ASIC2: variants seen among roughly 807,000 people sequenced by gnomAD.
ASIC2 encodes the protein acid-sensing ion channel 2.
In ASIC2, 25 loss-of-function variants were observed where a neutral mutation model predicts 57.3. The observed-to-expected ratio is 0.44, with a 90% CI of 0.32 to 0.61. ASIC2 has a LOEUF of 0.61. Among genes scored for constraint, ASIC2 ranks in the 20% least tolerant of loss-of-function variants. The pLI is 0.06. For synonymous variants in ASIC2, 319 were observed against 307.5 expected (o/e 1.04, Z -0.39); for missense variants, 641 against 738.1 (o/e 0.87, Z 1.52).
At chr17:33,067,410 G>A (rs2092048078) in intron 3 of ASIC2, among the ~76,000 whole-genome samples, 1 of 152,184 alleles carries the variant, frequency 6.6e-6, no homozygotes, top group African/African-American at 2.4e-5. Flanking sequence ...GGAAGAAAGT[G>A]TTGGATTTGT....
intron 1 of ASIC2, among the ~76,000 whole-genome samples, chr17:33,985,933 C>T (rs974086728): frequency 6.6e-6 from 1 of 152,212 alleles, no homozygotes; most frequent in African/African-American, 2.4e-5. Flanking sequence ...CTGCCTGAAA[C>T]ATTCTCTGAC....
intron 1 of ASIC2, among the ~76,000 whole-genome samples, chr17:33,823,156 C>T (rs1912800583): frequency 6.6e-6 from 1 of 152,146 alleles, no homozygotes; most frequent in Non-Finnish European, 1.5e-5. Context: ...GGGCTTTATG[C>T]AGTCTTGCTT....
chr17:33,064,169 C>T (rs1291830458), intron 3 of ASIC2, among the ~76,000 whole-genome samples: 1 of 152,238 alleles, frequency 6.6e-6, no homozygotes, highest in African/African-American at 2.4e-5. Flanking sequence ...TCGTCAAAGT[C>T]ATTCTCCATC....
intron 2 of ASIC2, among the ~76,000 whole-genome samples, chr17:33,102,970 A>G (rs2092218401): frequency 6.6e-6 from 1 of 152,224 alleles, no homozygotes; most frequent in Non-Finnish European, 1.5e-5. Context: ...TTTTCAGTAG[A>G]GACAGGGTTT....
intron 1 of ASIC2, among the ~76,000 whole-genome samples, chr17:33,396,946 C>A (rs1910098445): frequency 6.6e-6 from 1 of 152,160 alleles, no homozygotes; most frequent in South Asian, 2.1e-4. Flanking sequence ...TAGCTAGGCA[C>A]AAGTGAGTTT....
intron 1 of ASIC2, among the ~76,000 whole-genome samples, chr17:34,055,631 C>T (rs1240268272): frequency 4.6e-5 from 7 of 152,138 alleles, no homozygotes; most frequent in Non-Finnish European, 1.0e-4. Flanking sequence ...AGCTCATATT[C>T]ATGAAATCAC....
intron 1 of ASIC2, among the ~76,000 whole-genome samples, chr17:33,564,800 C>T (rs1916182334): frequency 6.7e-6 from 1 of 148,862 alleles, no homozygotes; most frequent in African/African-American, 2.5e-5. Flanking sequence ...GCAAGGAACA[C>T]CTGGCCTGCC....
At chr17:34,035,001 G>A (rs1048317255) in intron 1 of ASIC2, among the ~76,000 whole-genome samples, 2 of 151,610 alleles carry the variant, frequency 1.3e-5, no homozygotes, top group African/African-American at 2.4e-5. Flanking sequence ...TCACAGAATT[G>A]GAAAAAACTA....
intron 1 of ASIC2, among the ~76,000 whole-genome samples, chr17:33,445,588 G>A (rs117474054): frequency 0.071 from 10,709 of 150,744 alleles, 472 homozygotes; most frequent in Middle Eastern, 0.1. Flanking sequence ...CCCTGAGATC[G>A]GAAGTTCAAG....
At chr17:33,143,741 A>AT (rs1360538374) in intron 1 of ASIC2, among the ~76,000 whole-genome samples, 2 of 151,856 alleles carry the variant, frequency 1.3e-5, no homozygotes, top group East Asian at 3.9e-4. Flanking sequence ...AATTTTTCCA[A>AT]AAAAACCCCC....
At chr17:33,144,170 G>A (rs975642425) in intron 1 of ASIC2, among the ~76,000 whole-genome samples, 4 of 150,926 alleles carry the variant, frequency 2.7e-5, no homozygotes, top group African/African-American at 9.8e-5. Flanking sequence ...AAAAAAAAAC[G>A]AAAAACAAAA....
At chr17:33,285,955 A>G (rs1450156770) in intron 1 of ASIC2, among the ~76,000 whole-genome samples, 1 of 152,162 alleles carries the variant, frequency 6.6e-6, no homozygotes, top group African/African-American at 2.4e-5. Flanking sequence ...AATAGCTCAC[A>G]TTTCCTGAGT....
At chr17:33,882,039 G>A (rs966966651) in intron 1 of ASIC2, among the ~76,000 whole-genome samples, 1 of 152,150 alleles carries the variant, frequency 6.6e-6, no homozygotes, top group African/African-American at 2.4e-5. Flanking sequence ...AATGGTGCTG[G>A]GAAAACTGGC....
chr17:33,037,389 CTTTTTTTTT>C (rs35286664), intron 3 of ASIC2, among the ~76,000 whole-genome samples: 11 of 123,816 alleles, frequency 8.9e-5, no homozygotes, highest in Admixed American at 3.4e-4. Context: ...ACTTCCCCCT[CTTTTTTTTT>C]TTTTTTTTTT....
chr17:33,809,220 G>T (rs1597884801), intron 1 of ASIC2, among the ~76,000 whole-genome samples: 3 of 152,216 alleles, frequency 2.0e-5, no homozygotes, highest in Non-Finnish European at 4.4e-5. Flanking sequence ...TCTAGGCCCA[G>T]TGTTGACTAT....
intron 1 of ASIC2, among the ~76,000 whole-genome samples, chr17:33,212,472 C>G (rs374721799): frequency 2.6e-5 from 4 of 152,184 alleles, no homozygotes; most frequent in African/African-American, 9.7e-5. Context: ...CCTGCTCACA[C>G]CTTGATTTGA....
intron 1 of ASIC2, among the ~76,000 whole-genome samples, chr17:33,617,383 C>T (rs979875107): frequency 1.1e-4 from 16 of 152,152 alleles, no homozygotes; most frequent in African/African-American, 2.2e-4. Context: ...TTATCCTAAG[C>T]GAACTAACAC....
At chr17:33,596,832 C>T (rs918414688) in intron 1 of ASIC2, among the ~76,000 whole-genome samples, 5 of 152,170 alleles carry the variant, frequency 3.3e-5, no homozygotes, top group African/African-American at 9.7e-5. Context: ...TTGAATTGTA[C>T]AAGAGTCCTG....
At chr17:33,459,729 G>C (rs1381857161) in intron 1 of ASIC2, among the ~76,000 whole-genome samples, 1 of 152,176 alleles carries the variant, frequency 6.6e-6, no homozygotes, top group African/African-American at 2.4e-5. Context: ...CGTGCCTGTG[G>C]GGATGAGGTA....
Sources: allele counts gnomAD v4.1 joint callset (sites outside exome capture counted in the v4.1 genomes callset), GRCh38; gene constraint gnomAD v4.1.1; transcripts MANE v1.5; gene names NCBI Gene and HGNC (gene_info 2026-07-23, HGNC 2026-07-21).